Variants in RYK observed in about 807,000 individuals in gnomAD.
The protein encoded by RYK is receptor like tyrosine kinase, also known as inactive tyrosine-protein kinase RYK.
In RYK, 21 loss-of-function variants were observed where a neutral mutation model predicts 70.2. The observed-to-expected ratio is 0.30, with a 90% CI of 0.21 to 0.43. The LOEUF (loss-of-function observed/expected upper bound fraction) is 0.43, where lower values mean the gene tolerates loss of function less well. Among genes scored for constraint, RYK ranks in the 20% least tolerant of loss-of-function variants. The pLI, the probability that RYK is intolerant of heterozygous loss-of-function variation, is 1.00. For synonymous variants in RYK, 267 were observed against 278.0 expected (o/e 0.96, Z 0.39); for missense variants, 604 against 753.3 (o/e 0.80, Z 2.32).
rs759277513 is a variant in RYK at position 134,193,373 on chromosome 3, T to C, written c.890-1399A>G. Among the ~76,000 whole-genome samples the C allele has an allele frequency of 1.5e-4, 23 of 152,198 alleles. No individual in the cohort carries two copies. In the Middle Eastern group the frequency reaches 0.01, roughly 68 times the overall value. On this transcript the variant is annotated intron_variant, in intron 7 of 14. Coordinates refer to ENST00000623711, the MANE Select transcript of RYK (RefSeq NM_002958.4). ...TAATTTTTTGTATTTTTAGTAGAGATGGGGTTTCACCGTGTTAGCCAGGAT... is the reference window on the plus strand; with the variant it reads ...TAATTTTTTGTATTTTTAGTAGAGACGGGGTTTCACCGTGTTAGCCAGGAT...
At chr3:134,188,162 TATATA>T (rs1161527476) in intron 9 of RYK, among the ~76,000 whole-genome samples, 2 of 43,652 alleles carry the variant, frequency 4.6e-5, no homozygotes, top group African/African-American at 1.1e-4. Context: ...TATATATATA[TATATA>T]TTTTTTTTTT....
At chr3:134,165,154 G>A (rs2012617038) in intron 13 of RYK, among the ~76,000 whole-genome samples, 1 of 152,040 alleles carries the variant, frequency 6.6e-6, no homozygotes, top group African/African-American at 2.4e-5. Context: ...TATTTTTGAT[G>A]TTCTTATAAA....
chr3:134,215,856 G>A (rs1432593373), intron 2 of RYK, among the ~76,000 whole-genome samples: 1 of 151,948 alleles, frequency 6.6e-6, no homozygotes, highest in African/African-American at 2.4e-5. Context: ...TGGCCAACAC[G>A]GTAAAACCCC....
chr3:134,211,473 G>A, intron 3 of RYK, 35 bp downstream of exon 3: 1 of 1,484,822 alleles, frequency 6.7e-7, no homozygotes, highest in East Asian at 2.3e-5. Context: ...AGTTGAAAAA[G>A]TATGTTAACT....
chr3:134,196,969 C>A (rs766454513), intron 6 of RYK, among the ~76,000 whole-genome samples: 4 of 152,178 alleles, frequency 2.6e-5, no homozygotes, highest in Non-Finnish European at 5.9e-5. Flanking sequence ...AGATGTCCAT[C>A]ATTTTAGGTT....
At chr3:134,224,137 G>A (rs1360802846) in intron 1 of RYK, among the ~76,000 whole-genome samples, 1 of 152,170 alleles carries the variant, frequency 6.6e-6, no homozygotes, top group Non-Finnish European at 1.5e-5. Context: ...AAAAAAGGCA[G>A]CTGGGCCTGG....
At chr3:134,178,150 T>G in intron 10 of RYK, 77 bp from the exon 11 acceptor site, 2 of 1,058,150 alleles carry the variant, frequency 1.9e-6, no homozygotes, top group Non-Finnish European at 2.7e-6. Flanking sequence ...AAAAATAATC[T>G]AAAACAAAAC....
chr3:134,172,548 A>G (rs2108148536), intron 13 of RYK, among the ~76,000 whole-genome samples: 1 of 152,374 alleles, frequency 6.6e-6, no homozygotes, highest in South Asian at 2.1e-4. Context: ...CATTCAGTAC[A>G]GCAGCTGTGC....
At position 134,249,917 on chromosome 3, in the gene RYK, G is replaced by GTTTTTTTTTTTTTTTTTTTTT. The variant is rs71624038; in HGVS notation, c.232+485_232+505dup. 3.2e-4 allele frequency among the ~76,000 whole-genome samples: 30 copies of GTTTTTTTTTTTTTTTTTTTTT among 93,332 alleles called. 2 individuals are homozygous for GTTTTTTTTTTTTTTTTTTTTT. The highest frequency in any genetic ancestry group is 1.5e-3 in the African/African-American group (29 of 18,900). 61.2% of individuals were successfully genotyped at this position (93,332 alleles called of 152,430 possible). On this transcript the variant is annotated intron_variant, in intron 1 of 14. Coordinates refer to ENST00000623711, the MANE Select transcript of RYK (RefSeq NM_002958.4). ...TATAACCTCCCCTTCTTTCTCTCTC[G>GTTTTTTTTTTTTTTTTTTTTT]TTTTTTTTTTTTTTTTTTTTTTTTT...
chr3:134,244,655 A>C (rs550126338), intron 1 of RYK, among the ~76,000 whole-genome samples: 1 of 152,310 alleles, frequency 6.6e-6, no homozygotes, highest in South Asian at 2.1e-4. Flanking sequence ...AAGCTTCTGA[A>C]GCTTTCGGTG....
chr3:134,204,221 G>A (rs1046755511), intron 5 of RYK, among the ~76,000 whole-genome samples: 1 of 152,140 alleles, frequency 6.6e-6, no homozygotes, highest in African/African-American at 2.4e-5. Context: ...CAAGCTGGGT[G>A]CCGTGGCTCA....
intron 2 of RYK, among the ~76,000 whole-genome samples, chr3:134,217,247 A>G (rs2014584745): frequency 6.6e-6 from 1 of 152,220 alleles, no homozygotes; most frequent in African/African-American, 2.4e-5. Context: ...CTTAAAAAGC[A>G]AGAACCGAGG....
intron 1 of RYK, among the ~76,000 whole-genome samples, chr3:134,245,803 C>G (rs959871870): frequency 3.9e-5 from 6 of 152,080 alleles, no homozygotes; most frequent in Admixed American, 3.9e-4. Context: ...AACACTGGCC[C>G]CAAACGAGAT....
At chr3:134,195,810 G>A (rs997611507) in intron 6 of RYK, among the ~76,000 whole-genome samples, 2 of 152,148 alleles carry the variant, frequency 1.3e-5, no homozygotes, top group South Asian at 2.1e-4. Flanking sequence ...GCCGGGCATG[G>A]TGACGCGTGC....
intron 9 of RYK, among the ~76,000 whole-genome samples, chr3:134,188,618 T>A: frequency 6.6e-6 from 1 of 152,232 alleles, no homozygotes; most frequent in African/African-American, 2.4e-5. Flanking sequence ...ATGTCTTATG[T>A]CTTAATTTAA....
chr3:134,193,104 C>T (rs1209139642), intron 7 of RYK, among the ~76,000 whole-genome samples: 3 of 151,854 alleles, frequency 2.0e-5, no homozygotes, highest in Admixed American at 6.6e-5. Flanking sequence ...TAGCTCCTTA[C>T]GGTAATGGCC....
chr3:134,215,869 C>A (rs1372112448), intron 2 of RYK, among the ~76,000 whole-genome samples: 1 of 151,952 alleles, frequency 6.6e-6, no homozygotes, highest in Non-Finnish European at 1.5e-5. Flanking sequence ...AAAACCCCGT[C>A]TCTACTAAAA....
chr3:134,229,600 A>G (rs916339983), intron 1 of RYK, among the ~76,000 whole-genome samples: 3 of 152,214 alleles, frequency 2.0e-5, no homozygotes, highest in Non-Finnish European at 2.9e-5. Context: ...AAATGAAATT[A>G]AAGTCACAAA....
chr3:134,213,659 T>A (rs1391902195), intron 2 of RYK, among the ~76,000 whole-genome samples: 1 of 152,164 alleles, frequency 6.6e-6, no homozygotes, highest in Non-Finnish European at 1.5e-5. Context: ...TCCTCAGAAG[T>A]CATCTGTTCC....
Sources: gnomAD v4.1 joint callset for allele counts (sites outside exome capture counted in the v4.1 genomes callset) on GRCh38, gnomAD v4.1.1 for gene constraint, MANE v1.5 for transcripts, NCBI Gene and HGNC (gene_info 2026-07-23, HGNC 2026-07-21) for gene names.